Variants in SLIT3 observed in about 807,000 individuals in gnomAD.
SLIT3 encodes the protein slit guidance ligand 3, also known as slit homolog 3 protein.
SLIT3 carries 68 observed loss-of-function variants against 184.0 expected under a neutral mutation model. The observed-to-expected ratio is 0.37, with a 90% CI of 0.30 to 0.45. The LOEUF (loss-of-function observed/expected upper bound fraction) is 0.45. SLIT3 is among the 20% of genes least tolerant of loss of function. SLIT3 has a pLI of 1.00. For missense variants in SLIT3, 1,707 were observed against 2,026.0 expected, an observed-to-expected ratio of 0.84 and a Z score of 3.02; for synonymous variants, 831 against 828.6, an observed-to-expected ratio of 1.00 and a Z score of -0.05.
rs2113744926 is a variant in SLIT3, at chr5:168,859,564, T to C, written c.486-14909A>G. Among the ~76,000 whole-genome samples the C allele has an allele frequency of 1.3e-5, 2 of 152,318 alleles. 1 individual carries two copies. The highest frequency in any genetic ancestry group is 6.8e-3 in the Middle Eastern group (2 of 294). Reference sequence around the variant, plus strand: ...AGCACTGAGTAAAGAGATTTCGATTTCACGTTTGGTTTTCAAGCAATGTGG... The same window carrying C: ...AGCACTGAGTAAAGAGATTTCGATTCCACGTTTGGTTTTCAAGCAATGTGG... On this transcript the variant is annotated intron_variant, in intron 5 of 35. Transcript: ENST00000519560.
intron 3 of SLIT3, among the ~76,000 whole-genome samples, chr5:169,207,570 C>T (rs2113502881): frequency 6.6e-6 from 1 of 152,196 alleles, no homozygotes; most frequent in East Asian, 1.9e-4. Context: ...CTTCAATAAC[C>T]AAAATCATGA....
rs148018933 is a variant in SLIT3, at chr5:169,116,472, C to T, written c.413+77007G>A. On this transcript the variant is annotated intron_variant, in intron 4 of 35. Transcript: ENST00000519560. ...CAAGATATCTCTCCAGGATGAACGA[C>T]CTAGTTATGGTGTTCAGGATGAATT... Among the ~76,000 whole-genome samples, 832 of 152,252 alleles carry T rather than the reference C, an allele frequency of 5.5e-3. 12 individuals carry two copies. Among genetic ancestry groups the T allele is most frequent in the African/African-American group, 0.018 (746 of 41,550 alleles).
intron 5 of SLIT3, among the ~76,000 whole-genome samples, chr5:168,878,352 T>C (rs1759815992): frequency 6.6e-6 from 1 of 152,220 alleles, no homozygotes; most frequent in Non-Finnish European, 1.5e-5. Context: ...GTCCAGTCCC[T>C]TCACTGAGAG....
intron 1 of SLIT3, among the ~76,000 whole-genome samples, chr5:169,298,932 T>C (rs1311402559): frequency 6.6e-6 from 1 of 152,378 alleles, no homozygotes; most frequent in East Asian, 1.9e-4. Flanking sequence ...CACTAACTCA[T>C]GTGGCTAGCA....
chr5:168,686,003 G>T, intron 30 of SLIT3, 76 bp from the exon 31 acceptor site: 1 of 1,479,094 alleles, frequency 6.8e-7, no homozygotes, highest in Non-Finnish European at 9.0e-7. Flanking sequence ...TCAGGCCAAA[G>T]AACCTCGAGC....
chr5:168,818,084 C>T (rs1561949670), intron 7 of SLIT3, among the ~76,000 whole-genome samples: 1 of 152,220 alleles, frequency 6.6e-6, no homozygotes, highest in East Asian at 1.9e-4. Flanking sequence ...CTTCTTTCCA[C>T]CCTCCCACTT....
At chr5:169,146,164 G>A (rs913376648) in intron 4 of SLIT3, among the ~76,000 whole-genome samples, 1 of 152,224 alleles carries the variant, frequency 6.6e-6, no homozygotes, top group Non-Finnish European at 1.5e-5. Context: ...TTACAGTACT[G>A]AGAAGAAACT....
intron 4 of SLIT3, among the ~76,000 whole-genome samples, chr5:169,113,093 G>A (rs1760470293): frequency 6.6e-6 from 1 of 152,052 alleles, no homozygotes. Context: ...TCTTAATGGC[G>A]TTCAAGTGTA....
intron 4 of SLIT3, among the ~76,000 whole-genome samples, chr5:169,139,658 G>T (rs906084628): frequency 6.6e-6 from 1 of 152,158 alleles, no homozygotes; most frequent in African/African-American, 2.4e-5. Context: ...CAGAAAAACT[G>T]CAATGAGCAA....
chr5:169,208,211 G>T (rs1764142679), intron 3 of SLIT3, among the ~76,000 whole-genome samples: 1 of 152,164 alleles, frequency 6.6e-6, no homozygotes. Context: ...AGCTTGATGG[G>T]AATAGCATTG....
intron 4 of SLIT3, among the ~76,000 whole-genome samples, chr5:169,158,243 T>A (rs184009536): frequency 6.6e-6 from 1 of 152,256 alleles, no homozygotes; most frequent in Admixed American, 6.5e-5. Context: ...TTTACTGACT[T>A]ACCTACAGGG....
chr5:169,214,864 C>T lies in SLIT3; in HGVS notation c.342-21314G>A, dbSNP rs79858175. 4.7e-3 allele frequency among the ~76,000 whole-genome samples: 713 copies of T among 152,242 alleles called. 1 individual carries two copies. The highest frequency in any genetic ancestry group is 0.014 in the Middle Eastern group (4 of 294). ...GACACTCATGATGTGCAATCAATCG[C>T]TGTATGCCATGAGGTATGCATCTTT... is the stretch of plus-strand genomic sequence containing the variant. On this transcript the variant is annotated intron_variant, in intron 3 of 35. Coordinates refer to ENST00000519560, the MANE Select transcript of SLIT3 (RefSeq NM_003062.4).
chr5:169,021,746 T>G (rs1235702947), intron 4 of SLIT3, among the ~76,000 whole-genome samples: 2 of 152,174 alleles, frequency 1.3e-5, no homozygotes, highest in Non-Finnish European at 2.9e-5. Flanking sequence ...AATTCACCTT[T>G]GCCTTAAGGA....
intron 3 of SLIT3, among the ~76,000 whole-genome samples, chr5:169,205,492 G>T (rs991720652): frequency 6.6e-6 from 1 of 152,240 alleles, no homozygotes; most frequent in Non-Finnish European, 1.5e-5. Flanking sequence ...AATGTGTAGT[G>T]CCATGAGAAG....
chr5:168,700,744 G>A (rs1042328918), intron 26 of SLIT3, 65 bp from the exon 27 acceptor site: 2 of 1,178,488 alleles, frequency 1.7e-6, no homozygotes, highest in South Asian at 2.5e-5. Flanking sequence ...TGGCCCAGGG[G>A]ACTCCAGGGG....
At chr5:169,064,003 C>T (rs898086936) in intron 4 of SLIT3, among the ~76,000 whole-genome samples, 13 of 152,130 alleles carry the variant, frequency 8.5e-5, no homozygotes, top group African/African-American at 3.1e-4. Flanking sequence ...TAATCTATAC[C>T]GGGAGTAGTT....
At chr5:169,151,134 G>A (rs1235543163) in intron 4 of SLIT3, among the ~76,000 whole-genome samples, 4 of 152,146 alleles carry the variant, frequency 2.6e-5, no homozygotes, top group Admixed American at 2.0e-4. Flanking sequence ...GGGACACCAG[G>A]ATCGACGTTT....
At chr5:168,962,338 A>G (rs13179349) in intron 4 of SLIT3, among the ~76,000 whole-genome samples, 7 of 151,238 alleles carry the variant, frequency 4.6e-5, no homozygotes, top group Non-Finnish European at 1.0e-4. Context: ...ACACACACAT[A>G]CACACACACA....
intron 4 of SLIT3, among the ~76,000 whole-genome samples, chr5:168,949,152 G>T (rs1762571915): frequency 6.6e-6 from 1 of 152,166 alleles, no homozygotes; most frequent in African/African-American, 2.4e-5. Context: ...TGACCTGTGG[G>T]GTGAACGGAG....
Sources: allele counts gnomAD v4.1 joint callset (sites outside exome capture counted in the v4.1 genomes callset), GRCh38; gene constraint gnomAD v4.1.1; transcripts MANE v1.5; gene names NCBI Gene and HGNC (gene_info 2026-07-23, HGNC 2026-07-21).